Variants in GC observed in about 807,000 individuals in gnomAD.
GC encodes vitamin D-binding protein.
Under a neutral mutation model 56.7 loss-of-function variants are expected in GC, and 43 were observed. The observed-to-expected ratio is 0.76, with a 90% confidence interval of 0.59 to 0.98. The LOEUF is 0.98. Among genes scored for constraint, GC ranks in the 50% least tolerant of loss-of-function variants. The pLI, the probability that GC is intolerant of heterozygous loss-of-function variation, is 0.00. For missense variants in GC, 529 were observed against 545.9 expected, an observed-to-expected ratio of 0.97 and a Z score of 0.31; for synonymous variants, 216 against 202.7, an observed-to-expected ratio of 1.07 and a Z score of -0.56.
At chr4:71,800,951 C>T (rs903282315) in intron 1 of GC, among the ~76,000 whole-genome samples, 1 of 151,934 alleles carries the variant, frequency 6.6e-6, no homozygotes, top group Non-Finnish European at 1.5e-5. Context: ...AGATACGATA[C>T]CAAAAGAATG....
chr4:71,784,118 G>T, upstream of GC: 2 of 1,488,380 alleles, frequency 1.3e-6, no homozygotes, highest in South Asian at 2.9e-5. Context: ...AAAGATTCCT[G>T]ACTATGAATT....
At chr4:71,795,071 C>T (rs1465383687) in intron 1 of GC, among the ~76,000 whole-genome samples, 1 of 152,194 alleles carries the variant, frequency 6.6e-6, no homozygotes, top group Non-Finnish European at 1.5e-5. Context: ...AAGTGTTTTA[C>T]TTCCAATTAC....
At chr4:71,761,501 T>C (rs1741972992) in intron 6 of GC, among the ~76,000 whole-genome samples, 1 of 152,164 alleles carries the variant, frequency 6.6e-6, no homozygotes, top group South Asian at 2.1e-4. Flanking sequence ...TCAAGCTGGC[T>C]ATAGAAATTT....
intron 1 of GC, among the ~76,000 whole-genome samples, chr4:71,791,901 T>G (rs906049962): frequency 6.6e-6 from 1 of 152,152 alleles, no homozygotes; most frequent in African/African-American, 2.4e-5. Context: ...CACCTATGAA[T>G]GAGAACATGC....
At chr4:71,778,939 A>G (rs570454813) in intron 1 of GC, among the ~76,000 whole-genome samples, 302 of 139,678 alleles carry the variant, frequency 2.2e-3, no homozygotes, top group Middle Eastern at 7.4e-3. Context: ...AATCCAGTTC[A>G]TGATCATTTT....
At chr4:71,758,258 A>T (rs930028567) in intron 6 of GC, 87 bp from the exon 7 acceptor site, 2 of 1,212,762 alleles carry the variant, frequency 1.6e-6, no homozygotes, top group African/African-American at 1.5e-5. Flanking sequence ...GAGAAATAAT[A>T]TCACAATTTC....
intron 1 of GC, among the ~76,000 whole-genome samples, chr4:71,792,134 A>G (rs558199676): frequency 2.8e-3 from 423 of 152,364 alleles, no homozygotes; most frequent in Non-Finnish European, 5.0e-3. Flanking sequence ...ATATGTGTGC[A>G]TGTGTCTTTA....
intron 1 of GC, among the ~76,000 whole-genome samples, chr4:71,779,913 C>A (rs1455404460): frequency 6.6e-6 from 1 of 151,756 alleles, no homozygotes; most frequent in East Asian, 1.9e-4. Flanking sequence ...CCAAAGGGAA[C>A]TTTCTTCTTG....
chr4:71,746,313 A>T (rs1741362170), intron 11 of GC, 108 bp from the exon 12 acceptor site: 1 of 575,726 alleles, frequency 1.7e-6, no homozygotes. Context: ...AGGGGAGCGG[A>T]TTCTTGCCAA....
At chr4:71,744,550 C>T (rs1384562165) in intron 12 of GC, among the ~76,000 whole-genome samples, 2 of 151,502 alleles carry the variant, frequency 1.3e-5, no homozygotes, top group Admixed American at 6.6e-5. Flanking sequence ...TCCTTACTTA[C>T]CTTAGGATAT....
chr4:71,763,775 A>G (rs992142416), intron 5 of GC, 29 bp downstream of exon 5: 1 of 1,563,842 alleles, frequency 6.4e-7, no homozygotes, highest in Non-Finnish European at 8.7e-7. Context: ...AAAAAAACGT[A>G]AACATATAAT....
rs763977635 is a variant in GC at position 71,783,956 on chromosome 4, C to T, written c.58+5G>A. 3 of 1,583,896 alleles carry T rather than the reference C, an allele frequency of 1.9e-6. No homozygotes were observed. The South Asian group carries it at 3.5e-5, about 19-fold the overall frequency. ...TGTAAATGGTCACAACAAAAGAAAT[C>T]TTACCTCTCTCTAAAGCATGTCCAA... On this transcript the variant is annotated splice_donor_5th_base_variant and intron_variant, in intron 1 of 12. Transcript: ENST00000273951.
rs116227886 is a variant in GC at position 71,774,028 on chromosome 4, G to T, written c.59-4628C>A. 6.6e-3 allele frequency among the ~76,000 whole-genome samples: 1,008 copies of T among 152,010 alleles called. 17 individuals are homozygous for T. The highest frequency in any genetic ancestry group is 0.023 in the African/African-American group (967 of 41,490). On this transcript the variant is annotated intron_variant, in intron 1 of 12. Transcript: ENST00000273951. ...CTTAAATAGTAAACATTATTGAGCT[G>T]GTTTAGGAAGCTGATCTGGTTATAA...
At chr4:71,759,212 C>G (rs957622855) in intron 6 of GC, among the ~76,000 whole-genome samples, 1 of 152,092 alleles carries the variant, frequency 6.6e-6, no homozygotes, top group Non-Finnish European at 1.5e-5. Context: ...GTTGCTTCCA[C>G]CTCTTGGTTA....
At chr4:71,759,507 G>A (rs1741894886) in intron 6 of GC, 2 of 152,116 alleles carry the variant, frequency 1.3e-5, no homozygotes, top group Non-Finnish European at 2.9e-5. Context: ...CCTCACTGTA[G>A]TTATGGTTTG....
At chr4:71,743,763 C>T (rs186791944) in intron 12 of GC, among the ~76,000 whole-genome samples, 75 of 152,230 alleles carry the variant, frequency 4.9e-4, no homozygotes, top group Non-Finnish European at 8.1e-4. Context: ...AATAATTGAA[C>T]ATTGGTAGGC....
intron 1 of GC, among the ~76,000 whole-genome samples, chr4:71,794,577 A>T (rs893759438): frequency 2.6e-5 from 4 of 152,018 alleles, no homozygotes; most frequent in Non-Finnish European, 4.4e-5. Context: ...CTAGTGGTCT[A>T]TCAATTTTGT....
chr4:71,763,992 T>G lies in GC; in HGVS notation c.474-56A>C. 5 of 1,398,720 alleles carry G rather than the reference T, an allele frequency of 3.6e-6. 1 individual carries two copies. The South Asian group carries it at 5.8e-5, about 16-fold the overall frequency. The allele number at this position is 1,398,720 out of a possible 1,614,324, so 86.6% of individuals were successfully genotyped here. A position where few individuals can be genotyped will look rare whatever the true frequency, so the allele number is the denominator to read the frequency against. ...AATTTGTGAATAAACAAAATCTACT[T>G]TTTTATTTGAGACAGTGTCTTGCCC... On this transcript the variant is annotated intron_variant, in intron 4 of 12. Coordinates refer to ENST00000273951, the MANE Select transcript of GC (RefSeq NM_000583.4).
Position 71,752,573 on chromosome 4 carries a change from T to C in GC, c.1340A>G (p.Asp447Gly), listed in dbSNP as rs767914114. Residue 447 changes from aspartate to glycine, a missense_variant, in exon 11 of 13, where the codon GAC (aspartate) becomes GGC (glycine). Physicochemically the swap from Asp to Gly is moderately conservative, Grantham distance 94. Transcript: ENST00000273951. Reference sequence around the variant, plus strand: ...TATGGAACAGCAGTTGGAGGCAAAGTCTGAGTGCTTGTTAACCAGCTTTGC... The same window carrying C: ...TATGGAACAGCAGTTGGAGGCAAAGCCTGAGTGCTTGTTAACCAGCTTTGC... ...ELAKLVNKHS[D>G]FASNCCSINS... 2 of 1,612,442 alleles carry C rather than the reference T, an allele frequency of 1.2e-6. No homozygotes were observed. Among genetic ancestry groups the C allele is most frequent in the African/African-American group, 1.3e-5 (1 of 74,914 alleles).
Sources: allele counts gnomAD v4.1 joint callset (sites outside exome capture counted in the v4.1 genomes callset), GRCh38; gene constraint gnomAD v4.1.1; transcripts MANE v1.5; gene names NCBI Gene and HGNC (gene_info 2026-07-23, HGNC 2026-07-21).